Variants in ERC2 observed in about 807,000 individuals in gnomAD.
The protein encoded by ERC2 is ELKS/RAB6-interacting/CAST family member 2.
In ERC2, 42 loss-of-function variants were observed where a neutral mutation model predicts 114.8. That is an observed-to-expected ratio of 0.37 (90% CI 0.29 to 0.47). The LOEUF is 0.47. Ranked by LOEUF, ERC2 falls within the 20% of genes least tolerant of loss-of-function variation. ERC2 has a pLI of 0.99. For synonymous variants in ERC2, 454 were observed against 425.5 expected (o/e 1.07, Z -0.82); for missense variants, 939 against 1,150.7 (o/e 0.82, Z 2.66).
At chr3:56,100,428 A>G (rs1266365403) in intron 6 of ERC2, among the ~76,000 whole-genome samples, 1 of 152,194 alleles carries the variant, frequency 6.6e-6, no homozygotes, top group Non-Finnish European at 1.5e-5. Context: ...CCCTGGGAAC[A>G]TGACATTTCC....
At chr3:55,812,046 G>T (rs975486215) in intron 14 of ERC2, among the ~76,000 whole-genome samples, 1 of 152,112 alleles carries the variant, frequency 6.6e-6, no homozygotes, top group Admixed American at 6.5e-5. Context: ...AGTGTATGTT[G>T]CTCCCTTCCC....
chr3:55,885,289 T>A, intron 14 of ERC2, among the ~76,000 whole-genome samples: 1 of 152,204 alleles, frequency 6.6e-6, no homozygotes, highest in South Asian at 2.1e-4. Flanking sequence ...AACCAGTGTG[T>A]CAATTCAGCT....
chr3:55,852,582 G>A (rs1463164551), intron 14 of ERC2: 1 of 153,598 alleles, frequency 6.5e-6, no homozygotes, highest in South Asian at 2.1e-4. Flanking sequence ...TAGTGATCGG[G>A]TTAAAAATTC....
At chr3:56,305,341 C>A (rs939185439) in intron 2 of ERC2, among the ~76,000 whole-genome samples, 1 of 151,596 alleles carries the variant, frequency 6.6e-6, no homozygotes, top group Non-Finnish European at 1.5e-5. Context: ...AAAAAAGTAC[C>A]AACAGTTAAT....
At chr3:56,079,535 A>T (rs1282003524) in intron 7 of ERC2, among the ~76,000 whole-genome samples, 1 of 152,176 alleles carries the variant, frequency 6.6e-6, no homozygotes, top group Non-Finnish European at 1.5e-5. Flanking sequence ...GAGGGAGCCC[A>T]ATCCTGCAGG....
rs190154232 is a variant in ERC2, at chr3:56,149,216, T to C, written c.1150-84A>G. 21 of 1,325,096 alleles carry C rather than the reference T, an allele frequency of 1.6e-5. No homozygotes were observed. In the East Asian group the frequency reaches 4.3e-4, roughly 27 times the overall value. 82.1% of individuals were successfully genotyped at this position (1,325,096 alleles called of 1,614,324 possible). On this transcript the variant is annotated intron_variant, in intron 4 of 17. Transcript: ENST00000288221. ...ATCAAAACAGAATTTAAGAAAGTAA[T>C]TTTGGTAGTGCTGTCACATATTAAC... is the stretch of plus-strand genomic sequence containing the variant.
intron 3 of ERC2, among the ~76,000 whole-genome samples, chr3:56,257,658 G>A (rs891553322): frequency 2.0e-5 from 3 of 152,146 alleles, no homozygotes; most frequent in Non-Finnish European, 2.9e-5. Context: ...TTTGCTTTTC[G>A]GCCATTGCCT....
intron 1 of ERC2, among the ~76,000 whole-genome samples, chr3:56,450,648 G>A (rs1437945820): frequency 1.3e-5 from 2 of 152,022 alleles, no homozygotes; most frequent in Non-Finnish European, 2.9e-5. Flanking sequence ...GCAACATGAC[G>A]ACACCCCATC....
In ERC2 at chr3:55,538,904, A is replaced by G. The variant is rs1006322799; in HGVS notation, c.*40-27628T>C. Among the ~76,000 whole-genome samples, 3 of 152,162 alleles carry G rather than the reference A, an allele frequency of 2.0e-5. No individual in the cohort carries two copies. The South Asian group carries it at 6.2e-4, about 32-fold the overall frequency. On this transcript the variant is annotated intron_variant, in intron 17 of 17. Coordinates refer to ENST00000288221, the MANE Select transcript of ERC2 (RefSeq NM_015576.3). ...TTTGAAGATTTCCCCCCATTAAATT[A>G]ATGTTTAACAATTAAATGAAGCCAA...
At chr3:55,645,222 A>G (rs2060344084) in intron 17 of ERC2, among the ~76,000 whole-genome samples, 2 of 152,272 alleles carry the variant, frequency 1.3e-5, no homozygotes, top group African/African-American at 2.4e-5. Context: ...TATAAAGAAC[A>G]AAGAATAAAA....
intron 17 of ERC2, among the ~76,000 whole-genome samples, chr3:55,575,440 G>C (rs536609988): frequency 2.6e-4 from 39 of 152,298 alleles, no homozygotes; most frequent in African/African-American, 8.9e-4. Context: ...TCAAATCTTG[G>C]CTGCTTTACT....
chr3:55,984,354 T>C (rs1471164574), intron 12 of ERC2, among the ~76,000 whole-genome samples: 1 of 151,604 alleles, frequency 6.6e-6, no homozygotes, highest in Non-Finnish European at 1.5e-5. Flanking sequence ...CACAGTAGTG[T>C]ATAGGTAAAA....
intron 2 of ERC2, among the ~76,000 whole-genome samples, chr3:56,343,178 T>A (rs1560629742): frequency 2.8e-5 from 1 of 35,864 alleles, no homozygotes; most frequent in African/African-American, 7.8e-5. Context: ...TCTCTCTCTC[T>A]CTCTCTCTCT....
At chr3:56,185,645 T>A (rs534669707) in intron 3 of ERC2, among the ~76,000 whole-genome samples, 1 of 152,318 alleles carries the variant, frequency 6.6e-6, no homozygotes, top group East Asian at 1.9e-4. Flanking sequence ...GGAATGTGAA[T>A]CTTTGGGAGT....
chr3:55,588,757 A>T (rs2057721318), intron 17 of ERC2, among the ~76,000 whole-genome samples: 2 of 151,946 alleles, frequency 1.3e-5, no homozygotes, highest in Admixed American at 1.3e-4. Context: ...AAAGGGATCC[A>T]GAGATGCTGA....
intron 2 of ERC2, among the ~76,000 whole-genome samples, chr3:56,387,691 C>G (rs2059983864): frequency 6.6e-6 from 1 of 152,198 alleles, no homozygotes; most frequent in South Asian, 2.1e-4. Context: ...TGAACAGAGA[C>G]AAGGGTAATC....
At chr3:55,517,143 A>T (rs1279524374) in intron 17 of ERC2, among the ~76,000 whole-genome samples, 1 of 152,096 alleles carries the variant, frequency 6.6e-6, no homozygotes, top group African/African-American at 2.4e-5. Flanking sequence ...ATTTTTTTAA[A>T]AATTATCTAA....
intron 13 of ERC2, among the ~76,000 whole-genome samples, chr3:55,907,670 C>A (rs1429565803): frequency 6.6e-6 from 1 of 152,176 alleles, no homozygotes; most frequent in African/African-American, 2.4e-5. Context: ...TGAGTTTGGA[C>A]TGATGAAGGC....
intron 14 of ERC2, among the ~76,000 whole-genome samples, chr3:55,737,040 C>T (rs370939337): frequency 6.6e-6 from 1 of 152,278 alleles, no homozygotes; most frequent in South Asian, 2.1e-4. Flanking sequence ...GAACTTCCCT[C>T]GCACACAAGG....
Sources: gnomAD v4.1 joint callset for allele counts (sites outside exome capture counted in the v4.1 genomes callset) on GRCh38, gnomAD v4.1.1 for gene constraint, MANE v1.5 for transcripts, NCBI Gene and HGNC (gene_info 2026-07-23, HGNC 2026-07-21) for gene names.